PRKACB: variants seen among roughly 807,000 people sequenced by gnomAD.
PRKACB encodes protein kinase cAMP-activated catalytic subunit beta.
PRKACB carries 16 observed loss-of-function variants against 51.4 expected under a neutral mutation model. The ratio of observed to expected loss-of-function variants is 0.31; its 90% CI spans 0.21 to 0.47. The LOEUF is 0.47. Among genes scored for constraint, PRKACB ranks in the 20% least tolerant of loss-of-function variants. PRKACB has a pLI of 1.00. For synonymous variants in PRKACB, 147 were observed against 154.4 expected (o/e 0.95, Z 0.35); for missense variants, 309 against 464.5 (o/e 0.67, Z 3.08).
At position 84,175,151 on chromosome 1, in the gene PRKACB, T is replaced by G. The variant is rs12132002; in HGVS notation, c.188-4026T>G. Reference sequence around the variant, plus strand: ...ATTTTCCTTATAAAGTTATATATTTTTAAGTATATCAAGTTAATGAAATAT... The same window carrying G: ...ATTTTCCTTATAAAGTTATATATTTGTAAGTATATCAAGTTAATGAAATAT... On this transcript the variant is annotated intron_variant, in intron 1 of 9. Transcript: ENST00000370685. The G allele has an allele frequency of 0.36, 412,819 of 1,156,460 alleles. 75,455 individuals are homozygous for G. The highest frequency in any genetic ancestry group is 0.38 in the Non-Finnish European group (335,551 of 889,306). The allele number at this position is 1,156,460 out of a possible 1,614,324, so 71.6% of individuals were successfully genotyped here.
At chr1:84,147,596 A>G (rs1051285687) in intron 1 of PRKACB, among the ~76,000 whole-genome samples, 2 of 152,048 alleles carry the variant, frequency 1.3e-5, no homozygotes, top group Non-Finnish European at 2.9e-5. Flanking sequence ...AAGAGCAAAC[A>G]TAATATAATA....
Position 84,165,043 on chromosome 1 carries a change from G to A in PRKACB, c.188-14134G>A, listed in dbSNP as rs1656934349. On this transcript the variant is annotated intron_variant, in intron 1 of 9. Coordinates refer to ENST00000370685, the MANE Select transcript of PRKACB (RefSeq NM_182948.4). ...GTATGCTCTCTGAGACTCTGCAGCT[G>A]TTTATTTAAAAAATATATTTATAAG... The A allele has an allele frequency of 2.8e-6, 4 of 1,445,686 alleles. No homozygotes were observed. In the Admixed American group the frequency reaches 8.5e-5, roughly 31 times the overall value. 89.6% of individuals were successfully genotyped at this position (1,445,686 alleles called of 1,614,324 possible). A position where few individuals can be genotyped will look rare whatever the true frequency, so the allele number is the denominator to read the frequency against.
chr1:84,122,319 C>A (rs1651152777), intron 1 of PRKACB, among the ~76,000 whole-genome samples: 1 of 152,158 alleles, frequency 6.6e-6, no homozygotes, highest in Admixed American at 6.6e-5. Flanking sequence ...GGTGTTTTAG[C>A]TGTCTGCTTA....
chr1:84,078,890 C>T (rs1034727179), intron 1 of PRKACB, among the ~76,000 whole-genome samples: 1 of 152,126 alleles, frequency 6.6e-6, no homozygotes, highest in South Asian at 2.1e-4. Context: ...TCCTTCATCT[C>T]TTCAGATTAG....
At chr1:84,080,832 A>C (rs962046347) in intron 1 of PRKACB, among the ~76,000 whole-genome samples, 2 of 151,294 alleles carry the variant, frequency 1.3e-5, no homozygotes, top group South Asian at 4.1e-4. Flanking sequence ...GTAATAACAG[A>C]GTAAGGAATA....
intron 1 of PRKACB, among the ~76,000 whole-genome samples, chr1:84,139,267 T>A (rs902468483): frequency 1.3e-5 from 2 of 152,154 alleles, no homozygotes; most frequent in Admixed American, 1.3e-4. Flanking sequence ...CATGACTGCC[T>A]ACATAGAAAA....
chr1:84,154,571 C>A (rs1655224266), intron 1 of PRKACB, among the ~76,000 whole-genome samples: 1 of 152,082 alleles, frequency 6.6e-6, no homozygotes, highest in Non-Finnish European at 1.5e-5. Context: ...TTTACCAGGG[C>A]AGCATTGCTC....
rs1422488273 is a variant in PRKACB at position 84,107,763 on chromosome 1, A to C, written c.46+29392A>C. Among the ~76,000 whole-genome samples, 12 of 152,274 alleles carry C rather than the reference A, an allele frequency of 7.9e-5. No individual in the cohort carries two copies. The East Asian group carries it at 2.3e-3, about 29-fold the overall frequency. Reference sequence around the variant, plus strand: ...GCTCAATATGACTAATCATTAGAGAAATGCAAATCAAAACCACAAGATACC... The same window carrying C: ...GCTCAATATGACTAATCATTAGAGACATGCAAATCAAAACCACAAGATACC... On this transcript the variant is annotated intron_variant, in intron 1 of 8. Coordinates refer to the PRKACB transcript ENST00000370688.
At chr1:84,227,231 C>G (rs544957992) in intron 9 of PRKACB, among the ~76,000 whole-genome samples, 1 of 152,008 alleles carries the variant, frequency 6.6e-6, no homozygotes, top group African/African-American at 2.4e-5. Flanking sequence ...TATATCTATT[C>G]CTTATAAATT....
At chr1:84,137,939 C>T (rs965215045) in intron 1 of PRKACB, among the ~76,000 whole-genome samples, 1 of 152,068 alleles carries the variant, frequency 6.6e-6, no homozygotes, top group African/African-American at 2.4e-5. Flanking sequence ...CTTATAGACA[C>T]AGTTACATAT....
intron 1 of PRKACB, among the ~76,000 whole-genome samples, chr1:84,133,736 G>T (rs893039797): frequency 6.6e-6 from 1 of 152,212 alleles, no homozygotes; most frequent in Non-Finnish European, 1.5e-5. Context: ...GCACTGCCAG[G>T]AGCCAAACTC....
chr1:84,161,016 T>C (rs545637500), intron 1 of PRKACB, among the ~76,000 whole-genome samples: 2 of 151,942 alleles, frequency 1.3e-5, no homozygotes, highest in Non-Finnish European at 2.9e-5. Context: ...GTTGTTTGTC[T>C]CTTTTCCAAT....
At chr1:84,187,762 T>A (rs1665605597) in intron 5 of PRKACB, among the ~76,000 whole-genome samples, 1 of 152,152 alleles carries the variant, frequency 6.6e-6, no homozygotes, top group South Asian at 2.1e-4. Context: ...AAAAAACTTT[T>A]TTCTCTACAT....
intron 2 of PRKACB, 95 bp from the exon 3 acceptor site, chr1:84,182,105 G>T (rs896336937): frequency 2.6e-5 from 24 of 924,332 alleles, no homozygotes; most frequent in African/African-American, 3.4e-5. Flanking sequence ...GTTATAAATG[G>T]GATTATCCAT....
At chr1:84,156,140 C>T (rs540200824) in intron 1 of PRKACB, among the ~76,000 whole-genome samples, 2 of 152,150 alleles carry the variant, frequency 1.3e-5, no homozygotes, top group East Asian at 3.9e-4. Context: ...AGATGCATGC[C>T]ACTGTGCCAG....
chr1:84,235,258 C>A lies in PRKACB; in HGVS notation c.1150C>A (p.Arg384Ser), dbSNP rs373131577. Residue 384 changes from arginine to serine, a missense_variant, in exon 10 of 10, where the codon CGT (arginine) becomes AGT (serine). By Grantham distance (110) the Arg-to-Ser change is moderately radical. Transcript: ENST00000370685. ...NFDDYEEEDI[R>S]VSITEKCAKE... The stretch of plus-strand genomic sequence containing the variant: ...TGATGACTATGAAGAAGAAGATATC[C>A]GTGTCTCTATAACAGAAAAATGTGC... The A allele has an allele frequency of 6.2e-7, 1 of 1,613,884 alleles. No individual in the cohort carries two copies. The highest frequency in any genetic ancestry group is 1.7e-5 in the Admixed American group (1 of 60,004).
chr1:84,199,940 A>AG (rs1669588972), intron 7 of PRKACB, among the ~76,000 whole-genome samples: 1 of 151,790 alleles, frequency 6.6e-6, no homozygotes, highest in Non-Finnish European at 1.5e-5. Context: ...CTGCCTCCTG[A>AG]GTTCAAGCGA....
chr1:84,216,643 T>A (rs549294900), intron 9 of PRKACB, among the ~76,000 whole-genome samples: 13 of 152,306 alleles, frequency 8.5e-5, no homozygotes, highest in African/African-American at 2.9e-4. Context: ...TACTGTATAA[T>A]TAATAAAAGC....
rs1420093393 is a variant in PRKACB at position 84,180,337 on chromosome 1, A to G, written c.249+1099A>G. Among the ~76,000 whole-genome samples the G allele has an allele frequency of 1.5e-4, 23 of 151,050 alleles. No individual in the cohort carries two copies. In the Admixed American group the frequency reaches 1.5e-3, roughly 10 times the overall value. ...TCAGGAATGGAAAACCAAACATCATATGTTCTCACTGATATGTGGGAGCTA... is the reference window on the plus strand; with the variant it reads ...TCAGGAATGGAAAACCAAACATCATGTGTTCTCACTGATATGTGGGAGCTA... On this transcript the variant is annotated intron_variant, in intron 2 of 9. Coordinates refer to ENST00000370685, the MANE Select transcript of PRKACB (RefSeq NM_182948.4).
Sources: allele counts gnomAD v4.1 joint callset (sites outside exome capture counted in the v4.1 genomes callset), GRCh38; gene constraint gnomAD v4.1.1; transcripts MANE v1.5; gene names NCBI Gene and HGNC (gene_info 2026-07-23, HGNC 2026-07-21).